FRMD4A: variants seen among roughly 807,000 people sequenced by gnomAD.
FRMD4A encodes the protein FERM domain containing 4A.
FRMD4A carries 29 observed loss-of-function variants against 129.1 expected under a neutral mutation model. That is an observed-to-expected ratio of 0.22 (90% confidence interval 0.17 to 0.31). The LOEUF is 0.31. Among genes scored for constraint, FRMD4A ranks in the 10% least tolerant of loss-of-function variants. FRMD4A has a pLI of 1.00. For synonymous variants in FRMD4A, 634 were observed against 571.6 expected (o/e 1.11, Z -1.56); for missense variants, 1,272 against 1,375.8 (o/e 0.92, Z 1.19).
intron 14 of FRMD4A, among the ~76,000 whole-genome samples, chr10:13,700,396 G>A (rs148373831): frequency 1.5e-4 from 23 of 152,284 alleles, no homozygotes; most frequent in African/African-American, 5.5e-4. Flanking sequence ...TGACTCTTGT[G>A]CCCAGTAAGT....
chr10:14,099,592 T>C (rs1244474387), intron 2 of FRMD4A, among the ~76,000 whole-genome samples: 1 of 152,174 alleles, frequency 6.6e-6, no homozygotes, highest in Non-Finnish European at 1.5e-5. Flanking sequence ...GTGAATATGA[T>C]ATTTTTGATC....
chr10:14,275,491 G>A (rs61173200), intron 2 of FRMD4A, among the ~76,000 whole-genome samples: 2 of 152,162 alleles, frequency 1.3e-5, no homozygotes, highest in Non-Finnish European at 2.9e-5. Context: ...ATATTTTAAG[G>A]CTAGGCACAA....
chr10:14,272,476 C>A (rs1194416170), intron 2 of FRMD4A, among the ~76,000 whole-genome samples: 1 of 152,200 alleles, frequency 6.6e-6, no homozygotes, highest in Non-Finnish European at 1.5e-5. Context: ...AGGTCAAAGT[C>A]ATCTGTAGCC....
chr10:13,848,595 AGTGTGTGTGTGTACGTGT>A (rs796807927), intron 3 of FRMD4A, among the ~76,000 whole-genome samples: 1,485 of 134,392 alleles, frequency 0.011, 12 homozygotes, highest in African/African-American at 0.024. Flanking sequence ...CCTGGGTGTG[AGTGTGTGTGTGTACGTGT>A]GTGTGTGTGT....
chr10:13,699,224 G>GTTTTT lies in FRMD4A; in HGVS notation c.975+2111_975+2115dup, dbSNP rs1168489802. ...ATGCCTGCCACGATGCTTGGTTATTGTTTTTTTTTTTTTTTTTTTTTTTTG... is the reference window on the plus strand; with the variant it reads ...ATGCCTGCCACGATGCTTGGTTATTGTTTTTTTTTTTTTTTTTTTTTTTTTTTTTG... On this transcript the variant is annotated intron_variant, in intron 14 of 24. Transcript: ENST00000357447. Among the ~76,000 whole-genome samples the GTTTTT allele has an allele frequency of 9.1e-3, 696 of 76,156 alleles. 19 individuals carry two copies. The highest frequency in any genetic ancestry group is 0.013 in the African/African-American group (261 of 19,460). The allele number at this position is 76,156 out of a possible 152,430, so 50.0% of individuals were successfully genotyped here.
chr10:13,841,286 T>A (rs930420667), intron 3 of FRMD4A, among the ~76,000 whole-genome samples: 23 of 152,214 alleles, frequency 1.5e-4, no homozygotes, highest in African/African-American at 5.3e-4. Flanking sequence ...CTGGCTTTTG[T>A]CCCTGATTTT....
intron 2 of FRMD4A, among the ~76,000 whole-genome samples, chr10:14,288,747 T>C (rs1267638595): frequency 2.0e-5 from 3 of 152,144 alleles, no homozygotes; most frequent in Admixed American, 6.6e-5. Context: ...TGCATAACTA[T>C]AACTTTATAT....
At chr10:14,327,677 G>A (rs915110784) in intron 2 of FRMD4A, among the ~76,000 whole-genome samples, 1 of 152,218 alleles carries the variant, frequency 6.6e-6, no homozygotes, top group Admixed American at 6.5e-5. Flanking sequence ...AGCAAGGGGT[G>A]TGGCCAGATC....
chr10:14,078,663 G>A (rs1485747410), intron 2 of FRMD4A, among the ~76,000 whole-genome samples: 1 of 152,188 alleles, frequency 6.6e-6, no homozygotes, highest in Admixed American at 6.5e-5. Context: ...GGTCATGGTG[G>A]GGGGTATGAC....
At chr10:13,923,094 C>A (rs2095091606) in intron 2 of FRMD4A, among the ~76,000 whole-genome samples, 1 of 152,146 alleles carries the variant, frequency 6.6e-6, no homozygotes, top group Non-Finnish European at 1.5e-5. Flanking sequence ...CTTGGACACA[C>A]AATAAACAGC....
intron 2 of FRMD4A, among the ~76,000 whole-genome samples, chr10:14,101,726 T>TAACACAACACAACACAACAC (rs59561035): frequency 8.2e-5 from 12 of 146,528 alleles, no homozygotes; most frequent in East Asian, 4.1e-4. Flanking sequence ...GCCTGGCTTC[T>TAACACAACACAACACAACAC]AACACAACAC....
intron 19 of FRMD4A, among the ~76,000 whole-genome samples, chr10:13,661,612 T>G (rs1184960774): frequency 6.6e-6 from 1 of 151,688 alleles, no homozygotes; most frequent in Non-Finnish European, 1.5e-5. Context: ...TGCGTCGGAG[T>G]GAAAAATCCT....
chr10:14,199,550 T>A (rs1214918084), intron 2 of FRMD4A, among the ~76,000 whole-genome samples: 2 of 151,976 alleles, frequency 1.3e-5, no homozygotes, highest in African/African-American at 2.4e-5. Context: ...CCACCACGTC[T>A]GGCTAATTTT....
intron 2 of FRMD4A, among the ~76,000 whole-genome samples, chr10:14,006,856 A>G (rs1411541415): frequency 6.6e-6 from 1 of 152,220 alleles, no homozygotes; most frequent in Non-Finnish European, 1.5e-5. Flanking sequence ...TTTAATACAT[A>G]TTAGTTGATG....
chr10:13,970,840 C>T (rs1394873327), intron 2 of FRMD4A, among the ~76,000 whole-genome samples: 1 of 152,176 alleles, frequency 6.6e-6, no homozygotes, highest in South Asian at 2.1e-4. Context: ...CTTGTCTCCC[C>T]TTTTTGAAGT....
At chr10:14,109,897 GGAGGCA>G (rs1250701633) in intron 2 of FRMD4A, among the ~76,000 whole-genome samples, 1 of 151,444 alleles carries the variant, frequency 6.6e-6, no homozygotes, top group Non-Finnish European at 1.5e-5. Context: ...GCTTGAACCG[GGAGGCA>G]GAGGTTGCAG....
chr10:14,125,484 T>A (rs930449593), intron 2 of FRMD4A, among the ~76,000 whole-genome samples: 31 of 152,116 alleles, frequency 2.0e-4, no homozygotes, highest in African/African-American at 6.8e-4. Flanking sequence ...ATACCCTTTT[T>A]AAGAAGCTTG....
chr10:14,061,419 CAG>C (rs1242644297), intron 2 of FRMD4A, among the ~76,000 whole-genome samples: 2 of 152,176 alleles, frequency 1.3e-5, no homozygotes, highest in Admixed American at 6.5e-5. Flanking sequence ...GTCTGAGCGA[CAG>C]AGTGAGACTC....
At chr10:13,667,426 G>C (rs10796110) in intron 17 of FRMD4A, 1 of 143,478 alleles carries the variant, frequency 7.0e-6, no homozygotes, top group Admixed American at 7.3e-5. Context: ...CTTTAGCCAA[G>C]AAGTACGGAT....
Sources: allele counts gnomAD v4.1 joint callset (sites outside exome capture counted in the v4.1 genomes callset), GRCh38; gene constraint gnomAD v4.1.1; transcripts MANE v1.5; gene names NCBI Gene and HGNC (gene_info 2026-07-23, HGNC 2026-07-21).